Variants in IPMK observed in about 807,000 individuals in gnomAD.
The protein encoded by IPMK is inositol 1,3,4,6-tetrakisphosphate 5-kinase.
IPMK carries 17 observed loss-of-function variants against 45.8 expected under a neutral mutation model. The observed-to-expected ratio is 0.37, with a 90% CI of 0.25 to 0.56. The LOEUF is 0.56. IPMK is among the 20% of genes least tolerant of loss of function. The pLI is 0.79. For synonymous variants in IPMK, 180 were observed against 184.3 expected, an observed-to-expected ratio of 0.98 and a Z score of 0.19; for missense variants, 399 against 498.0, an observed-to-expected ratio of 0.80 and a Z score of 1.89.
intron 3 of IPMK, among the ~76,000 whole-genome samples, chr10:58,223,656 T>A (rs1467279310): frequency 6.6e-6 from 1 of 152,156 alleles, no homozygotes; most frequent in Non-Finnish European, 1.5e-5. Context: ...TGAAGCCAAC[T>A]GGAAAAACAG....
intron 1 of IPMK, among the ~76,000 whole-genome samples, chr10:58,238,477 C>A (rs781554618): frequency 6.6e-6 from 1 of 152,148 alleles, no homozygotes; most frequent in African/African-American, 2.4e-5. Context: ...TGGTCCTACC[C>A]CTATGCCATG....
chr10:58,253,291 A>C (rs1016710086), intron 1 of IPMK, among the ~76,000 whole-genome samples: 12 of 152,216 alleles, frequency 7.9e-5, no homozygotes, highest in African/African-American at 2.9e-4. Context: ...CTTCCTTTAT[A>C]AATTATCCAG....
intron 1 of IPMK, among the ~76,000 whole-genome samples, chr10:58,248,711 GC>G (rs1248384320): frequency 2.6e-5 from 4 of 152,064 alleles, no homozygotes; most frequent in Admixed American, 1.3e-4. Flanking sequence ...ACCTTTCCCA[GC>G]TTCTGGCAAC....
At chr10:58,249,729 G>A (rs1838855354) in intron 1 of IPMK, among the ~76,000 whole-genome samples, 1 of 152,132 alleles carries the variant, frequency 6.6e-6, no homozygotes, top group Non-Finnish European at 1.5e-5. Flanking sequence ...GTCTGCTTTT[G>A]TTGCCTGTCC....
chr10:58,195,904 T>C lies in IPMK; in HGVS notation c.*172A>G. On this transcript the variant is annotated 3_prime_UTR_variant, in exon 6 of 6. Transcript: ENST00000373935. The stretch of plus-strand genomic sequence containing the variant: ...TCATAGTTTTCTAATGAACAAATAG[T>C]TAGTTTTCCTGAGTAAGATTATAAA... 1 of 616,390 alleles carries C rather than the reference T, an allele frequency of 1.6e-6. No individual in the cohort carries two copies. Among genetic ancestry groups the C allele is most frequent in the Admixed American group, 3.3e-5 (1 of 29,882 alleles). The allele number at this position is 616,390 out of a possible 1,614,324, so 38.2% of individuals were successfully genotyped here.
intron 1 of IPMK, among the ~76,000 whole-genome samples, chr10:58,252,068 T>C (rs1234130398): frequency 1.3e-5 from 2 of 152,214 alleles, no homozygotes; most frequent in African/African-American, 2.4e-5. Flanking sequence ...TTCCACTTAC[T>C]GTCTTCCTTT....
chr10:58,266,906 C>T (rs1043353644), intron 1 of IPMK, among the ~76,000 whole-genome samples: 1 of 152,164 alleles, frequency 6.6e-6, no homozygotes, highest in Non-Finnish European at 1.5e-5. Flanking sequence ...GGAAAAATCA[C>T]GGACAAGCTT....
chr10:58,191,621 TA>T lies in IPMK; in HGVS notation c.*4454del, dbSNP rs1488436372. On this transcript the variant is annotated 3_prime_UTR_variant, in exon 6 of 6. Coordinates refer to ENST00000373935, the MANE Select transcript of IPMK (RefSeq NM_152230.5). ...TATCACATTAGATGATTCTATAAAA[TA>T]AAAACACAAATCACACATTGACAAT... 1 of 151,848 alleles carries T rather than the reference TA, an allele frequency of 6.6e-6. No homozygotes were observed. Among genetic ancestry groups the T allele is most frequent in the African/African-American group, 2.4e-5 (1 of 41,322 alleles). The allele number at this position is 151,848 out of a possible 1,614,324, so 9.4% of individuals were successfully genotyped here. A position where few individuals can be genotyped will look rare whatever the true frequency, so the allele number is the denominator to read the frequency against.
Position 58,211,997 on chromosome 10 carries a change from C to A in IPMK, c.546+4148G>T, listed in dbSNP as rs184730403. 6.1e-5 allele frequency among the ~76,000 whole-genome samples: 9 copies of A among 147,876 alleles called. No homozygotes were observed. The East Asian group carries it at 1.6e-3, about 26-fold the overall frequency. ...TGTGTCAGTTTTGTGGGGTTTTTTTCCCCAACTAAATTAGAATCTTTTTAT... is the reference window on the plus strand; with the variant it reads ...TGTGTCAGTTTTGTGGGGTTTTTTTACCCAACTAAATTAGAATCTTTTTAT... On this transcript the variant is annotated intron_variant, in intron 4 of 5. Transcript: ENST00000373935.
At position 58,267,784 on chromosome 10, in the gene IPMK, G is replaced by A. The variant is rs1158076190; in HGVS notation, c.-173C>T. 1.8e-6 allele frequency: 1 copy of A among 559,976 alleles called. No homozygotes were observed. The highest frequency in any genetic ancestry group is 3.3e-5 in the East Asian group (1 of 30,764). The allele number at this position is 559,976 out of a possible 1,614,324, so 34.7% of individuals were successfully genotyped here. On this transcript the variant is annotated 5_prime_UTR_variant, in exon 1 of 6. Coordinates refer to ENST00000373935, the MANE Select transcript of IPMK (RefSeq NM_152230.5). Reference sequence around the variant, plus strand: ...GGGGCCCATGACGCCGCCGGGGCGCGGGCGCTCCTCTGCCCAACTCTCGGC... The same window carrying A: ...GGGGCCCATGACGCCGCCGGGGCGCAGGCGCTCCTCTGCCCAACTCTCGGC...
chr10:58,216,031 T>G (rs1288818294), intron 4 of IPMK, 114 bp downstream of exon 4: 1 of 792,358 alleles, frequency 1.3e-6, no homozygotes, highest in Non-Finnish European at 1.8e-6. Flanking sequence ...TACAGACAAC[T>G]CAATTCCAAA....
chr10:58,229,140 G>A (rs2132160226), intron 2 of IPMK, among the ~76,000 whole-genome samples: 1 of 152,206 alleles, frequency 6.6e-6, no homozygotes, highest in African/African-American at 2.4e-5. Context: ...TAAGCTTACA[G>A]AGAAAAACAG....
chr10:58,217,017 T>C (rs565641161), intron 3 of IPMK, among the ~76,000 whole-genome samples: 1 of 152,162 alleles, frequency 6.6e-6, no homozygotes, highest in Admixed American at 6.5e-5. Flanking sequence ...CCTGGCTAAT[T>C]TTTATATTTT....
chr10:58,210,972 C>T (rs866001368), intron 4 of IPMK, among the ~76,000 whole-genome samples: 10 of 152,176 alleles, frequency 6.6e-5, no homozygotes, highest in African/African-American at 2.4e-4. Flanking sequence ...GCCTCCCATC[C>T]ACCATCTTCC....
intron 4 of IPMK, among the ~76,000 whole-genome samples, chr10:58,209,346 C>A (rs978561751): frequency 2.0e-5 from 3 of 152,206 alleles, no homozygotes; most frequent in African/African-American, 7.2e-5. Flanking sequence ...CTGTACCTAG[C>A]ACTGCAATTG....
At chr10:58,215,688 G>A (rs868667069) in intron 4 of IPMK, among the ~76,000 whole-genome samples, 34 of 152,142 alleles carry the variant, frequency 2.2e-4, no homozygotes, top group African/African-American at 8.0e-4. Flanking sequence ...AGGATTATAG[G>A]CATGAGCCAC....
At chr10:58,217,275 A>G (rs770609531) in intron 3 of IPMK, among the ~76,000 whole-genome samples, 1 of 151,238 alleles carries the variant, frequency 6.6e-6, no homozygotes, top group Non-Finnish European at 1.5e-5. Flanking sequence ...CAAATACAGT[A>G]TTATAAAAGC....
rs1335437571 is a variant in IPMK at position 58,195,185 on chromosome 10, GA to G, written c.*890del. 1 of 151,692 alleles carries G rather than the reference GA, an allele frequency of 6.6e-6. No homozygotes were observed. Among genetic ancestry groups the G allele is most frequent in the African/African-American group, 2.4e-5 (1 of 41,348 alleles). 9.4% of individuals were successfully genotyped at this position (151,692 alleles called of 1,614,324 possible). ...ACATATAAATACATAAATTTTTAAA[GA>G]AAAAAATTCAAGTTATTTAGAGGAG... On this transcript the variant is annotated 3_prime_UTR_variant, in exon 6 of 6. Transcript: ENST00000373935.
chr10:58,252,280 C>T (rs1027889246), intron 1 of IPMK, among the ~76,000 whole-genome samples: 7 of 152,158 alleles, frequency 4.6e-5, no homozygotes, highest in Non-Finnish European at 1.0e-4. Context: ...CACCATATCA[C>T]CCCCGGTACT....
Sources: gnomAD v4.1 joint callset for allele counts (sites outside exome capture counted in the v4.1 genomes callset) on GRCh38, gnomAD v4.1.1 for gene constraint, MANE v1.5 for transcripts, NCBI Gene and HGNC (gene_info 2026-07-23, HGNC 2026-07-21) for gene names.